Variants in SLC30A8 observed in about 807,000 individuals in gnomAD.
SLC30A8 encodes proton-coupled zinc antiporter SLC30A8.
A neutral mutation model predicts 36.9 loss-of-function variants in SLC30A8; 27 were observed. The observed-to-expected ratio is 0.73, with a 90% CI of 0.54 to 1.01. The LOEUF (loss-of-function observed/expected upper bound fraction) is 1.01, where lower values mean the gene tolerates loss of function less well. SLC30A8 is among the 50% of genes least tolerant of loss of function. The pLI is 0.00. For synonymous variants in SLC30A8, 164 were observed against 172.4 expected (o/e 0.95, Z 0.38); for missense variants, 439 against 452.0 (o/e 0.97, Z 0.26).
intron 1 of SLC30A8, among the ~76,000 whole-genome samples, chr8:116,963,712 A>G (rs888131276): frequency 6.6e-6 from 1 of 152,178 alleles, no homozygotes; most frequent in African/African-American, 2.4e-5. Context: ...TAGTGCTGCT[A>G]TGAGCAACTG....
intron 2 of SLC30A8, among the ~76,000 whole-genome samples, chr8:117,123,388 G>T (rs1820763948): frequency 6.6e-6 from 1 of 151,970 alleles, no homozygotes; most frequent in Non-Finnish European, 1.5e-5. Flanking sequence ...ACATAAACAG[G>T]CTATCAATAT....
chr8:117,156,787 T>TATGA (rs1471685085), intron 3 of SLC30A8, among the ~76,000 whole-genome samples: 2 of 152,170 alleles, frequency 1.3e-5, no homozygotes, highest in African/African-American at 4.8e-5. Flanking sequence ...TGGAAAACGT[T>TATGA]ATGAAGGTTG....
chr8:116,989,133 G>A (rs1310101918), intron 1 of SLC30A8, among the ~76,000 whole-genome samples: 4 of 152,166 alleles, frequency 2.6e-5, no homozygotes, highest in Admixed American at 1.3e-4. Context: ...GAAGGAGGAG[G>A]TGAATAAAGA....
intron 2 of SLC30A8, among the ~76,000 whole-genome samples, chr8:117,107,050 CAG>C (rs1263890264): frequency 2.0e-5 from 3 of 152,156 alleles, no homozygotes; most frequent in Non-Finnish European, 2.9e-5. Context: ...CTGACAAAAA[CAG>C]AGTGAGAAGA....
At chr8:117,029,673 G>A (rs1243343000) in intron 1 of SLC30A8, among the ~76,000 whole-genome samples, 3 of 152,168 alleles carry the variant, frequency 2.0e-5, no homozygotes, top group Non-Finnish European at 4.4e-5. Flanking sequence ...AACAGCTAAT[G>A]TAATGGAAAG....
intron 1 of SLC30A8, among the ~76,000 whole-genome samples, chr8:117,002,657 TG>T: frequency 6.6e-6 from 1 of 152,242 alleles, no homozygotes; most frequent in African/African-American, 2.4e-5. Flanking sequence ...CAGGCTGGAG[TG>T]CAGTGGCGCA....
At chr8:117,046,751 G>A (rs1200426685) in intron 2 of SLC30A8, among the ~76,000 whole-genome samples, 1 of 152,178 alleles carries the variant, frequency 6.6e-6, no homozygotes, top group African/African-American at 2.4e-5. Flanking sequence ...TGCTTTGTCT[G>A]CCTCTTTCTA....
intron 1 of SLC30A8, among the ~76,000 whole-genome samples, chr8:116,971,315 C>A (rs199818863): frequency 1.4e-5 from 2 of 145,948 alleles, no homozygotes; most frequent in African/African-American, 2.7e-5. Flanking sequence ...AAAAAAAAAA[C>A]AAAAACACAT....
intron 2 of SLC30A8, among the ~76,000 whole-genome samples, chr8:117,113,786 T>C (rs1336275708): frequency 1.3e-5 from 2 of 152,088 alleles, no homozygotes; most frequent in African/African-American, 4.8e-5. Flanking sequence ...AACTTTGGGG[T>C]ATGGCATGCT....
intron 2 of SLC30A8, among the ~76,000 whole-genome samples, chr8:117,045,797 C>T (rs1337255183): frequency 6.6e-6 from 1 of 152,154 alleles, no homozygotes; most frequent in Non-Finnish European, 1.5e-5. Context: ...AACATTTGGA[C>T]ACTAACGTGA....
rs565242161 is a variant in SLC30A8 at position 117,144,343 on chromosome 8, A to G, written c.72-2611A>G. 2.7e-4 allele frequency among the ~76,000 whole-genome samples: 41 copies of G among 152,344 alleles called. 1 individual carries two copies. The highest frequency in any genetic ancestry group is 9.9e-4 in the African/African-American group (41 of 41,588). ...ACTCAAAATCCTGAGTGCTATTCAC[A>G]TAACTGATAAAAAACCAATGTTGTA... On this transcript the variant is annotated intron_variant, in intron 1 of 7. Coordinates refer to ENST00000456015, the MANE Select transcript of SLC30A8 (RefSeq NM_173851.3).
intron 2 of SLC30A8, among the ~76,000 whole-genome samples, chr8:117,078,155 A>G (rs1429240980): frequency 6.6e-6 from 1 of 152,248 alleles, no homozygotes; most frequent in Non-Finnish European, 1.5e-5. Flanking sequence ...AATATAATAT[A>G]AAAATTCTAA....
At chr8:117,170,290 A>G (rs950974221) in intron 6 of SLC30A8, among the ~76,000 whole-genome samples, 5 of 152,144 alleles carry the variant, frequency 3.3e-5, no homozygotes, top group African/African-American at 1.2e-4. Context: ...TCTGGAATGG[A>G]GTCGTGGTAC....
chr8:117,133,524 T>G (rs1009569131), upstream of SLC30A8, among the ~76,000 whole-genome samples: 3 of 152,032 alleles, frequency 2.0e-5, no homozygotes, highest in South Asian at 4.1e-4. Context: ...AGCCAAATAT[T>G]CTCCTTCCTG....
intron 1 of SLC30A8, among the ~76,000 whole-genome samples, chr8:117,013,932 A>G (rs1193192887): frequency 6.6e-6 from 1 of 152,220 alleles, no homozygotes; most frequent in Non-Finnish European, 1.5e-5. Flanking sequence ...ATTGTTAGCC[A>G]TTAAATTCAT....
chr8:117,110,817 C>T (rs1820193844), intron 2 of SLC30A8, among the ~76,000 whole-genome samples: 1 of 152,154 alleles, frequency 6.6e-6, no homozygotes. Flanking sequence ...ATTAAATCCT[C>T]ACAATAGCCC....
intron 3 of SLC30A8, 26 bp downstream of exon 3, chr8:117,153,116 C>T (rs1276275797): frequency 6.5e-7 from 1 of 1,528,036 alleles, no homozygotes; most frequent in East Asian, 2.3e-5. Flanking sequence ...TGAGCAATAA[C>T]AGCAGGCTGG....
intron 2 of SLC30A8, among the ~76,000 whole-genome samples, chr8:117,099,779 A>T (rs1438166848): frequency 6.6e-6 from 1 of 152,210 alleles, no homozygotes; most frequent in Non-Finnish European, 1.5e-5. Flanking sequence ...TTTATTGATA[A>T]AATAAACTCT....
intron 2 of SLC30A8, among the ~76,000 whole-genome samples, chr8:117,124,648 GAA>G (rs35557733): frequency 3.6e-5 from 4 of 111,242 alleles, no homozygotes; most frequent in African/African-American, 1.2e-4. Context: ...CTTGTATCCA[GAA>G]AAAAAAAAAA....
Sources: gnomAD v4.1 joint callset for allele counts (sites outside exome capture counted in the v4.1 genomes callset) on GRCh38, gnomAD v4.1.1 for gene constraint, MANE v1.5 for transcripts, NCBI Gene and HGNC (gene_info 2026-07-23, HGNC 2026-07-21) for gene names.